Variants in CDC42EP3 observed in about 807,000 individuals in gnomAD.
CDC42EP3 encodes CDC42 effector protein 3, also known as CDC42 effector protein (Rho GTPase binding) 3.
CDC42EP3 carries 4 observed loss-of-function variants against 15.5 expected under a neutral mutation model. That is an observed-to-expected ratio of 0.26 (90% confidence interval 0.13 to 0.59). CDC42EP3 has a LOEUF of 0.59. CDC42EP3 is among the 20% of genes least tolerant of loss of function. The pLI, the probability that CDC42EP3 is intolerant of heterozygous loss-of-function variation, is 0.89. For missense variants in CDC42EP3, 309 were observed against 311.2 expected, an observed-to-expected ratio of 0.99 and a Z score of 0.05; for synonymous variants, 145 against 130.3, an observed-to-expected ratio of 1.11 and a Z score of -0.77.
chr2:37,665,319 T>C (rs982889080), intron 1 of CDC42EP3, among the ~76,000 whole-genome samples: 2 of 152,054 alleles, frequency 1.3e-5, no homozygotes, highest in African/African-American at 2.4e-5. Flanking sequence ...TCTGCCATTT[T>C]TTTTCACAGG....
chr2:37,643,288 C>A lies in CDC42EP3; in HGVS notation c.*2535G>T, dbSNP rs1665327952. On this transcript the variant is annotated 3_prime_UTR_variant, in exon 2 of 2. Transcript: ENST00000295324. ...AGGAAAGAAAGCCACCACCAGCAGT[C>A]CACCTGCTCTCAGGGGAAGGGACCA... The A allele has an allele frequency of 6.6e-6, 1 of 152,224 alleles. No individual in the cohort carries two copies. Among genetic ancestry groups the A allele is most frequent in the East Asian group, 1.9e-4 (1 of 5,206 alleles). 9.4% of individuals were successfully genotyped at this position (152,224 alleles called of 1,614,324 possible). A position where few individuals can be genotyped will look rare whatever the true frequency, so the allele number is the denominator to read the frequency against.
chr2:37,664,246 AT>A (rs1025830788), intron 1 of CDC42EP3, among the ~76,000 whole-genome samples: 1 of 152,168 alleles, frequency 6.6e-6, no homozygotes, highest in African/African-American at 2.4e-5. Context: ...TCTGGCCTTC[AT>A]TTTTCTCCCG....
At chr2:37,661,270 T>C (rs1284113968) in intron 1 of CDC42EP3, among the ~76,000 whole-genome samples, 3 of 152,180 alleles carry the variant, frequency 2.0e-5, no homozygotes, top group Non-Finnish European at 4.4e-5. Flanking sequence ...AGGGGATATA[T>C]GCTCAGTAGG....
At chr2:37,671,012 G>A (rs1245646244) in intron 1 of CDC42EP3, among the ~76,000 whole-genome samples, 2 of 152,266 alleles carry the variant, frequency 1.3e-5, no homozygotes, top group African/African-American at 2.4e-5. Context: ...GGCAGGCGAT[G>A]CCACGGCAGA....
intron 1 of CDC42EP3, among the ~76,000 whole-genome samples, chr2:37,650,091 G>C (rs1178633837): frequency 6.6e-6 from 1 of 152,168 alleles, no homozygotes. Flanking sequence ...TACAACTCTA[G>C]GTAAGTTGAC....
chr2:37,643,698 G>A lies in CDC42EP3; in HGVS notation c.*2125C>T, dbSNP rs1034649246. The A allele has an allele frequency of 6.6e-6, 1 of 152,172 alleles. No homozygotes were observed. Among genetic ancestry groups the A allele is most frequent in the Non-Finnish European group, 1.5e-5 (1 of 68,038 alleles). 9.4% of individuals were successfully genotyped at this position (152,172 alleles called of 1,614,324 possible). ...ATGATCAATACTAATTAAAATGGGG[G>A]GGAGGTATTGAAAAGAGTCTAAAAT... On this transcript the variant is annotated 3_prime_UTR_variant, in exon 2 of 2. Coordinates refer to ENST00000295324, the MANE Select transcript of CDC42EP3 (RefSeq NM_006449.5).
At position 37,646,324 on chromosome 2, in the gene CDC42EP3, G is replaced by C. The variant is rs748269210; in HGVS notation, c.264C>G (p.Asn88Lys). The part of the protein sequence containing the change: ...FPGHNEFFRA[N>K]STSDSVFTET... ...CTGTGAACACAGAGTCCGAGGTGCTGTTGGCCCGGAAGAACTCATTATGCC... is the reference window on the plus strand; with the variant it reads ...CTGTGAACACAGAGTCCGAGGTGCTCTTGGCCCGGAAGAACTCATTATGCC... The change falls in exon 2 of 2, where the codon AAC (asparagine) becomes AAG (lysine). Residue 88 changes from asparagine to lysine, a missense_variant. Physicochemically the swap from Asn to Lys is moderately conservative, Grantham distance 94 (BLOSUM62 0). Coordinates refer to ENST00000295324, the MANE Select transcript of CDC42EP3 (RefSeq NM_006449.5). The C allele has an allele frequency of 1.2e-6, 2 of 1,614,176 alleles. No homozygotes were observed. Among genetic ancestry groups the C allele is most frequent in the East Asian group, 4.5e-5 (2 of 44,874 alleles).
At chr2:37,660,790 A>G (rs1666032868) in intron 1 of CDC42EP3, among the ~76,000 whole-genome samples, 1 of 72,222 alleles carries the variant, frequency 1.4e-5, no homozygotes, top group Non-Finnish European at 2.8e-5. Flanking sequence ...CTTAAGGTTA[A>G]AAAAAAAAAA....
chr2:37,653,074 T>C (rs926672297), intron 1 of CDC42EP3, among the ~76,000 whole-genome samples: 9 of 152,232 alleles, frequency 5.9e-5, no homozygotes, highest in African/African-American at 1.7e-4. Context: ...CCTTCATAGA[T>C]AACACTGGAG....
chr2:37,668,679 C>T (rs1268270840), intron 1 of CDC42EP3, among the ~76,000 whole-genome samples: 1 of 152,192 alleles, frequency 6.6e-6, no homozygotes, highest in Non-Finnish European at 1.5e-5. Flanking sequence ...TACTGCACAA[C>T]TTTGGGTAAG....
At chr2:37,670,635 A>G (rs1238714503) in intron 1 of CDC42EP3, among the ~76,000 whole-genome samples, 1 of 152,146 alleles carries the variant, frequency 6.6e-6, no homozygotes, top group Non-Finnish European at 1.5e-5. Context: ...GCTCTCAGTA[A>G]TGTAACATTC....
intron 1 of CDC42EP3, among the ~76,000 whole-genome samples, chr2:37,650,427 G>A (rs556393343): frequency 6.6e-5 from 10 of 152,268 alleles, no homozygotes; most frequent in African/African-American, 2.4e-4. Context: ...TCCTGGAGAG[G>A]GTATGAGCAT....
intron 1 of CDC42EP3, among the ~76,000 whole-genome samples, chr2:37,664,931 G>C (rs2124635859): frequency 6.6e-6 from 1 of 152,214 alleles, no homozygotes; most frequent in East Asian, 1.9e-4. Context: ...CGGGAGGAGG[G>C]AGAGGATCAG....
chr2:37,643,361 G>A lies in CDC42EP3; in HGVS notation c.*2462C>T, dbSNP rs1665330702. 1 of 152,174 alleles carries A rather than the reference G, an allele frequency of 6.6e-6. No individual in the cohort carries two copies. Among genetic ancestry groups the A allele is most frequent in the African/African-American group, 2.4e-5 (1 of 41,428 alleles). The allele number at this position is 152,174 out of a possible 1,614,324, so 9.4% of individuals were successfully genotyped here. On this transcript the variant is annotated 3_prime_UTR_variant, in exon 2 of 2. Transcript: ENST00000295324. The stretch of plus-strand genomic sequence containing the variant: ...GAGAAGTGACTCAACAAAATCATAA[G>A]CCGCATGTAGCTTTGTTTCCTCTTT...
intron 1 of CDC42EP3, among the ~76,000 whole-genome samples, chr2:37,658,053 C>G (rs1196466952): frequency 6.6e-6 from 1 of 152,118 alleles, no homozygotes; most frequent in Non-Finnish European, 1.5e-5. Flanking sequence ...GTCTGAACCC[C>G]TGTCTTAAAT....
At position 37,642,713 on chromosome 2, in the gene CDC42EP3, A is replaced by G. The variant is rs2124600862; in HGVS notation, c.*3110T>C. The G allele has an allele frequency of 6.6e-6, 1 of 152,338 alleles. No individual in the cohort carries two copies. Among genetic ancestry groups the G allele is most frequent in the East Asian group, 1.9e-4 (1 of 5,192 alleles). 9.4% of individuals were successfully genotyped at this position (152,338 alleles called of 1,614,324 possible). On this transcript the variant is annotated 3_prime_UTR_variant, in exon 2 of 2. Coordinates refer to ENST00000295324, the MANE Select transcript of CDC42EP3 (RefSeq NM_006449.5). ...TCTAAAATATTTATCAAGTTAATTT[A>G]TGGACTTATGGATTTTTTCCATTCC... is the stretch of plus-strand genomic sequence containing the variant.
chr2:37,665,502 A>G (rs1221664980), intron 1 of CDC42EP3, among the ~76,000 whole-genome samples: 1 of 150,596 alleles, frequency 6.6e-6, no homozygotes, highest in East Asian at 1.9e-4. Flanking sequence ...GAAATCAAAC[A>G]CATTCTGAAT....
At chr2:37,657,353 G>C (rs1007692454) in intron 1 of CDC42EP3, among the ~76,000 whole-genome samples, 4 of 152,170 alleles carry the variant, frequency 2.6e-5, no homozygotes, top group African/African-American at 7.2e-5. Context: ...TTTTCTTAGG[G>C]GTTGTGGAGG....
intron 1 of CDC42EP3, among the ~76,000 whole-genome samples, chr2:37,670,482 C>CTTT (rs5830491): frequency 6.6e-5 from 9 of 136,644 alleles, no homozygotes; most frequent in Non-Finnish European, 1.4e-4. Context: ...AATTCGCTCA[C>CTTT]TTTTTTTTTT....
Sources: allele counts gnomAD v4.1 joint callset (sites outside exome capture counted in the v4.1 genomes callset), GRCh38; gene constraint gnomAD v4.1.1; transcripts MANE v1.5; gene names NCBI Gene and HGNC (gene_info 2026-07-23, HGNC 2026-07-21).